The following SLC6A12 variants were observed in gnomAD, a reference collection of about 807,000 sequenced individuals.
The protein encoded by SLC6A12 is sodium- and chloride-dependent betaine transporter.
A neutral mutation model predicts 73.3 loss-of-function variants in SLC6A12; 50 were observed. That is an observed-to-expected ratio of 0.68 (90% CI 0.54 to 0.86). The LOEUF (loss-of-function observed/expected upper bound fraction) is 0.86. Ranked by LOEUF, SLC6A12 falls within the 40% of genes least tolerant of loss-of-function variation. SLC6A12 has a pLI of 0.00. For missense variants in SLC6A12, 648 were observed against 772.8 expected (o/e 0.84, Z 1.92); for synonymous variants, 304 against 309.2 (o/e 0.98, Z 0.18).
At chr12:210,376 G>A (rs1940854020) in intron 2 of SLC6A12, 21 of 1,114,156 alleles carry the variant, frequency 1.9e-5, no homozygotes, top group Non-Finnish European at 2.2e-5. Context: ...CATCTGCCCA[G>A]GTCCTTGATG....
chr12:195,279 T>C lies in SLC6A12; in HGVS notation c.1375A>G (p.Ile459Val), dbSNP rs1360740139. The change falls in exon 13 of 16, where the codon ATA (isoleucine) becomes GTA (valine). Residue 459 changes from isoleucine to valine, a missense_variant. Coordinates refer to ENST00000684302, the MANE Select transcript of SLC6A12 (RefSeq NM_001122848.3). The stretch of plus-strand genomic sequence containing the variant: ...AACAATGACAGGAACAGCAGGCATA[T>C]GCCACTGGAAGCATAGTAGTCAAAC... ...QLFDYYASSGICLLFLSLFEV... is the reference protein window; with the variant it reads ...QLFDYYASSGVCLLFLSLFEV... The C allele has an allele frequency of 1.9e-6, 3 of 1,613,768 alleles. No individual in the cohort carries two copies. Among genetic ancestry groups the C allele is most frequent in the Admixed American group, 1.7e-5 (1 of 60,024 alleles).
chr12:205,332 G>A (rs756356277), intron 3 of SLC6A12, among the ~76,000 whole-genome samples: 47 of 152,142 alleles, frequency 3.1e-4, no homozygotes, highest in Non-Finnish European at 4.3e-4. Context: ...CATAAAGCTC[G>A]AGTGAGAAGT....
Position 197,362 on chromosome 12 carries a change from C to A in SLC6A12, c.1075+15G>T. ...CTCCTTCCCCTCAGGCCCCAGACAG[C>A]AAAGTGGCACCTACCTGACTCGGCC... On this transcript the variant is annotated intron_variant, in intron 10 of 15. Transcript: ENST00000684302. 1 of 1,609,730 alleles carries A rather than the reference C, an allele frequency of 6.2e-7. No homozygotes were observed.
At position 202,770 on chromosome 12, in the gene SLC6A12, A is replaced by G; in HGVS notation, c.460T>C (p.Trp154Arg). 1 of 1,614,094 alleles carries G rather than the reference A, an allele frequency of 6.2e-7. No individual in the cohort carries two copies. Among genetic ancestry groups the G allele is most frequent in the Non-Finnish European group, 8.5e-7 (1 of 1,179,976 alleles). Residue 154 changes from tryptophan to arginine, a missense_variant, in exon 5 of 16, where the codon TGG (tryptophan) becomes CGG (arginine). Coordinates refer to ENST00000684302, the MANE Select transcript of SLC6A12 (RefSeq NM_001122848.3). ...TTCCAAAAGTTGTTGCAGGTCGTCCAGGGCAGCTCAGAAGTGAAGGAGCTG... is the reference window on the plus strand; with the variant it reads ...TTCCAAAAGTTGTTGCAGGTCGTCCGGGGCAGCTCAGAAGTGAAGGAGCTG... Reference protein sequence around the residue: ...LFSSFTSELPWTTCNNFWNTE... With the variant: ...LFSSFTSELPRTTCNNFWNTE...
chr12:200,851 G>A (rs1940222118), intron 6 of SLC6A12, 68 bp from the exon 7 acceptor site: 1 of 1,523,150 alleles, frequency 6.6e-7, no homozygotes, highest in Non-Finnish European at 8.9e-7. Flanking sequence ...CTGTCAGCAA[G>A]TCTCCTGATT....
chr12:202,513 A>G (rs1177875689), intron 5 of SLC6A12, among the ~76,000 whole-genome samples: 1 of 152,196 alleles, frequency 6.6e-6, no homozygotes, highest in African/African-American at 2.4e-5. Context: ...TAACCCTTGC[A>G]GTCATTTAAT....
At chr12:199,446 TG>T (rs544454268) in intron 7 of SLC6A12, among the ~76,000 whole-genome samples, 43 of 152,172 alleles carry the variant, frequency 2.8e-4, no homozygotes, top group Non-Finnish European at 1.6e-4. Context: ...CAGTGATCTG[TG>T]GGGAAAGTTA....
At chr12:191,645 G>C (rs1169859484) in intron 15 of SLC6A12, among the ~76,000 whole-genome samples, 2 of 152,044 alleles carry the variant, frequency 1.3e-5, no homozygotes, top group Non-Finnish European at 2.9e-5. Context: ...CTTCTTATCA[G>C]TGGTACTGCT....
chr12:200,388 G>A lies in SLC6A12; in HGVS notation c.711+263C>T, dbSNP rs145751619. Among the ~76,000 whole-genome samples, 1,425 of 152,260 alleles carry A rather than the reference G, an allele frequency of 9.4e-3. 17 individuals are homozygous for A. The highest frequency in any genetic ancestry group is 0.075 in the South Asian group (360 of 4,822). On this transcript the variant is annotated intron_variant, in intron 7 of 15. Transcript: ENST00000684302. ...CTCCCAAAGTGCTGGGATTACAGGC[G>A]TGAGCCACTGCACCCGGCAGCCCTG...
intron 4 of SLC6A12, chr12:203,223 A>C (rs1318087274): frequency 5.6e-6 from 1 of 177,156 alleles, no homozygotes; most frequent in East Asian, 1.5e-4. Flanking sequence ...GACCCGGCTA[A>C]TTTTAACTTT....
At chr12:189,552 G>C (rs1179428353), downstream of SLC6A12, among the ~76,000 whole-genome samples, 1 of 152,164 alleles carries the variant, frequency 6.6e-6, no homozygotes, top group Non-Finnish European at 1.5e-5. Flanking sequence ...TGCAGCCCCT[G>C]GGCGGGGGGT....
At chr12:197,188 T>TCTAC (rs1939955753) in intron 10 of SLC6A12, among the ~76,000 whole-genome samples, 189 bp downstream of exon 10, 2 of 55,172 alleles carry the variant, frequency 3.6e-5, no homozygotes, top group South Asian at 4.6e-4. Flanking sequence ...CATCCATCCA[T>TCTAC]CCATCCATTC....
chr12:196,021 C>G (rs1459439129), intron 12 of SLC6A12, 103 bp downstream of exon 12: 64 of 1,135,562 alleles, frequency 5.6e-5, no homozygotes, highest in Non-Finnish European at 6.7e-5. Context: ...GTTCACACCC[C>G]TCGTCAGCAG....
downstream of SLC6A12, among the ~76,000 whole-genome samples, chr12:186,298 TGA>T (rs1416568360): frequency 6.6e-6 from 1 of 152,148 alleles, no homozygotes; most frequent in African/African-American, 2.4e-5. Flanking sequence ...AGAGCCCACA[TGA>T]GAGGAGCCGA....
At chr12:187,638 A>ACACACACAG (rs1485484125), downstream of SLC6A12, among the ~76,000 whole-genome samples, 4 of 124,900 alleles carry the variant, frequency 3.2e-5, no homozygotes, top group African/African-American at 6.0e-5. Flanking sequence ...AAAACAAACC[A>ACACACACAG]CACACACAGC....
In SLC6A12 at chr12:198,101, C is replaced by A. The variant is rs949355307; in HGVS notation, c.847-98G>T. 1 of 904,232 alleles carries A rather than the reference C, an allele frequency of 1.1e-6. No homozygotes were observed. Among genetic ancestry groups the A allele is most frequent in the Non-Finnish European group, 1.8e-6 (1 of 560,738 alleles). 56.0% of individuals were successfully genotyped at this position (904,232 alleles called of 1,614,324 possible). A position where few individuals can be genotyped will look rare whatever the true frequency, so the allele number is the denominator to read the frequency against. ...CCGTCCCCTGCAGCACCAGCCTGGC[C>A]CCTCAGTGCTCCCTGAGCGCTTCCC... On this transcript the variant is annotated intron_variant, in intron 8 of 15. Transcript: ENST00000684302. The surrounding 1 kb of genome is among the most constrained non-coding windows in gnomAD (Gnocchi z 4.0).
At chr12:202,997 T>C (rs192317395) in intron 4 of SLC6A12, 117 bp from the exon 5 acceptor site, 205 of 753,862 alleles carry the variant, frequency 2.7e-4, no homozygotes, top group Middle Eastern at 1.6e-3. Flanking sequence ...AAGAGCACCA[T>C]TGGGGTTTAT....
intron 7 of SLC6A12, chr12:199,827 A>G (rs1371091161): frequency 6.6e-6 from 1 of 152,158 alleles, no homozygotes; most frequent in Non-Finnish European, 1.5e-5. Context: ...GAACCCCTTC[A>G]ATGACTGGAA....
intron 3 of SLC6A12, 123 bp downstream of exon 3, chr12:209,650 C>T (rs1340151529): frequency 8.8e-5 from 91 of 1,035,452 alleles, no homozygotes; most frequent in South Asian, 2.8e-5. Flanking sequence ...AACTCAAGTC[C>T]TCCAATTCCA....
Sources: gnomAD v4.1 joint callset for allele counts (sites outside exome capture counted in the v4.1 genomes callset) on GRCh38, gnomAD v4.1.1 for gene constraint, Gnocchi (gnomAD v3.1) non-coding constraint, MANE v1.5 for transcripts, NCBI Gene and HGNC (gene_info 2026-07-23, HGNC 2026-07-21) for gene names.